The following L3HYPDH variants were observed in gnomAD, a reference collection of about 807,000 sequenced individuals.
L3HYPDH encodes trans-3-hydroxy-L-proline dehydratase.
A neutral mutation model predicts 26.5 loss-of-function variants in L3HYPDH; 32 were observed. The observed-to-expected ratio is 1.21, with a 90% CI of 0.91 to 1.62. L3HYPDH has a LOEUF of 1.62. Among genes scored for constraint, L3HYPDH ranks in the 40% most tolerant of loss-of-function variants. The pLI, the probability that L3HYPDH is intolerant of heterozygous loss-of-function variation, is 0.00. For synonymous variants in L3HYPDH, 215 were observed against 196.6 expected (o/e 1.09, Z -0.78); for missense variants, 554 against 476.4 (o/e 1.16, Z -1.52).
upstream of L3HYPDH, chr14:59,486,541 T>C: frequency 1.7e-6 from 1 of 600,674 alleles, no homozygotes; most frequent in Non-Finnish European, 2.9e-6. Flanking sequence ...CTGTCTGCAG[T>C]GTCACAGTGT....
chr14:59,482,759 A>T (rs1248414271), intron 1 of L3HYPDH, among the ~76,000 whole-genome samples: 2 of 152,170 alleles, frequency 1.3e-5, no homozygotes, highest in African/African-American at 4.8e-5. Context: ...CTAATCTGAA[A>T]CCTAGTTCTT....
upstream of L3HYPDH, chr14:59,486,761 T>C: frequency 6.3e-7 from 1 of 1,595,924 alleles, no homozygotes; most frequent in Non-Finnish European, 8.5e-7. Flanking sequence ...GGGAAGACCC[T>C]ATTATTTAAA....
At chr14:59,487,795 G>C (rs1890691948), upstream of L3HYPDH, 1 of 1,613,530 alleles carries the variant, frequency 6.2e-7, no homozygotes, top group Admixed American at 1.7e-5. Context: ...GTTTTACATT[G>C]GTTCTTCATT....
chr14:59,501,790 AC>A, the L3HYPDH span, among the ~76,000 whole-genome samples: 1 of 152,162 alleles, frequency 6.6e-6, no homozygotes, highest in East Asian at 1.9e-4. Flanking sequence ...TTATTCTGAT[AC>A]TGTTACTTTT....
the L3HYPDH span, chr14:59,498,776 C>T: frequency 6.2e-7 from 1 of 1,602,914 alleles, no homozygotes; most frequent in Non-Finnish European, 8.5e-7. Context: ...ATTAATGATG[C>T]TGCTCCGACC....
At chr14:59,491,527 A>G in the L3HYPDH span, among the ~76,000 whole-genome samples, 2 of 152,214 alleles carry the variant, frequency 1.3e-5, no homozygotes, top group Non-Finnish European at 2.9e-5. Context: ...AAAATGTCAA[A>G]TTATGTAATG....
At chr14:59,477,497 T>C (rs767028130) in intron 2 of L3HYPDH, among the ~76,000 whole-genome samples, 2 of 152,202 alleles carry the variant, frequency 1.3e-5, no homozygotes, top group Non-Finnish European at 2.9e-5. Context: ...TGCCATCTTG[T>C]TGAGTTCAAA....
At chr14:59,471,105 C>T (rs1889300570), downstream of L3HYPDH, among the ~76,000 whole-genome samples, 1 of 151,932 alleles carries the variant, frequency 6.6e-6, no homozygotes, top group Admixed American at 6.6e-5. Context: ...ATGTGGAGGT[C>T]AGAGGAGGAG....
chr14:59,474,455 C>T (rs1889486787), intron 4 of L3HYPDH: 1 of 687,880 alleles, frequency 1.5e-6, no homozygotes, highest in African/African-American at 1.8e-5. Context: ...TTGTCTGAGT[C>T]ATTCTTTGGT....
chr14:59,487,076 G>A (rs949772379), upstream of L3HYPDH: 8 of 239,828 alleles, frequency 3.3e-5, no homozygotes, highest in African/African-American at 9.2e-5. Context: ...AGTTGTGTGC[G>A]CCTGTAGTCC....
intron 2 of L3HYPDH, chr14:59,478,862 T>C (rs1048966035): frequency 7.0e-5 from 14 of 200,356 alleles, no homozygotes; most frequent in Non-Finnish European, 6.9e-5. Flanking sequence ...GGGAGAAGAA[T>C]TGTCTTGGGC....
At chr14:59,495,211 G>A in the L3HYPDH span, 1 of 1,607,758 alleles carries the variant, frequency 6.2e-7, no homozygotes, top group Non-Finnish European at 8.5e-7. Context: ...TACTCATGAA[G>A]CCGTCTACCC....
At chr14:59,496,144 G>T in the L3HYPDH span, among the ~76,000 whole-genome samples, 12 of 152,112 alleles carry the variant, frequency 7.9e-5, no homozygotes, top group Admixed American at 7.9e-4. Context: ...GGCCTTAAGT[G>T]ATCTACCCAC....
upstream of L3HYPDH, chr14:59,487,109 A>C (rs187352848): frequency 2.2e-4 from 41 of 189,220 alleles, no homozygotes; most frequent in East Asian, 5.9e-3. Context: ...AGGCTGAGAC[A>C]GGAGAATTGC....
Position 59,484,108 on chromosome 14 carries a change from C to T in L3HYPDH, c.209G>A (p.Arg70Gln). Residue 70 changes from arginine to glutamine, a missense_variant, in exon 1 of 5, where the codon CGA (arginine) becomes CAA (glutamine). Arg to Gln is a conservative substitution (Grantham distance 43). Coordinates refer to ENST00000247194, the MANE Select transcript of L3HYPDH (RefSeq NM_144581.2). ...CGCCCCGTACATGTCCCGGTGCCCTCGGGGCTCGAACATGAGCCGTCGCCG... is the reference window on the plus strand; with the variant it reads ...CGCCCCGTACATGTCCCGGTGCCCTTGGGGCTCGAACATGAGCCGTCGCCG... Reference protein sequence around the residue: ...HVRRRLMFEPRGHRDMYGAVL... With the variant: ...HVRRRLMFEPQGHRDMYGAVL... 6.2e-7 allele frequency: 1 copy of T among 1,604,734 alleles called. No homozygotes were observed. The highest frequency in any genetic ancestry group is 8.5e-7 in the Non-Finnish European group (1 of 1,179,172).
At chr14:59,484,443 C>T (rs1890338287), upstream of L3HYPDH, 1 of 1,382,976 alleles carries the variant, frequency 7.2e-7, no homozygotes, top group Non-Finnish European at 9.9e-7. Flanking sequence ...GTCTCGGAGC[C>T]TAAACCCGGA....
At chr14:59,472,362 G>A (rs1222727428), downstream of L3HYPDH, among the ~76,000 whole-genome samples, 3 of 152,156 alleles carry the variant, frequency 2.0e-5, no homozygotes, top group East Asian at 5.8e-4. Flanking sequence ...CTGATTACTA[G>A]TTGGTCTTCT....
chr14:59,495,265 A>C, the L3HYPDH span: 1 of 1,409,484 alleles, frequency 7.1e-7, no homozygotes, highest in Non-Finnish European at 1.0e-6. Flanking sequence ...TTTTTTTTTA[A>C]ATCTCTGAGG....
chr14:59,497,662 A>T, the L3HYPDH span, among the ~76,000 whole-genome samples: 16 of 152,186 alleles, frequency 1.1e-4, no homozygotes, highest in Non-Finnish European at 1.8e-4. Context: ...AAGGAACTAC[A>T]AGTTGCAGGA....
Sources: allele counts gnomAD v4.1 joint callset (sites outside exome capture counted in the v4.1 genomes callset), GRCh38; gene constraint gnomAD v4.1.1; transcripts MANE v1.5; gene names NCBI Gene and HGNC (gene_info 2026-07-23, HGNC 2026-07-21).